Variants in RBM43 observed in about 807,000 individuals in gnomAD.
RBM43 encodes RNA-binding protein 43.
RBM43 carries 12 observed loss-of-function variants against 12.4 expected under a neutral mutation model. The ratio of observed to expected loss-of-function variants is 0.97; its 90% CI spans 0.62 to 1.57. The LOEUF (loss-of-function observed/expected upper bound fraction) is 1.57. Ranked by LOEUF, RBM43 falls within the 40% of genes most tolerant of loss-of-function variation. The pLI is 0.00. For missense variants in RBM43, 348 were observed against 400.1 expected, an observed-to-expected ratio of 0.87 and a Z score of 1.11; for synonymous variants, 138 against 145.7, an observed-to-expected ratio of 0.95 and a Z score of 0.38.
At chr2:151,254,375 C>T (rs1408814222) in intron 2 of RBM43, among the ~76,000 whole-genome samples, 1 of 152,006 alleles carries the variant, frequency 6.6e-6, no homozygotes, top group Admixed American at 6.6e-5. Context: ...AAAACACTAC[C>T]ATCTCCTTAG....
chr2:151,261,154 CA>C (rs1273034972), intron 1 of RBM43: 7 of 1,353,446 alleles, frequency 5.2e-6, no homozygotes, highest in Non-Finnish European at 6.9e-6. Flanking sequence ...GGAAACAAAA[CA>C]AAACACAGAA....
Position 151,250,160 on chromosome 2 carries a change from G to A in RBM43, c.*746C>T, listed in dbSNP as rs758374406. On this transcript the variant is annotated 3_prime_UTR_variant, in exon 4 of 4. Coordinates refer to ENST00000331426, the MANE Select transcript of RBM43 (RefSeq NM_198557.3). ...TTTTGCCAGTATTCTAATTCTACAC[G>A]GAGTAAACACAAACTGTAAATGTTA... 12 of 152,210 alleles carry A rather than the reference G, an allele frequency of 7.9e-5. No homozygotes were observed. The highest frequency in any genetic ancestry group is 1.9e-4 in the East Asian group (1 of 5,182). The allele number at this position is 152,210 out of a possible 1,614,324, so 9.4% of individuals were successfully genotyped here.
intron 2 of RBM43, among the ~76,000 whole-genome samples, chr2:151,254,315 C>T (rs1266619217): frequency 2.6e-5 from 4 of 151,642 alleles, no homozygotes; most frequent in Admixed American, 6.6e-5. Flanking sequence ...CTTTCTCTCT[C>T]TCTCTGTCTC....
At chr2:151,259,213 A>AG (rs1683015193) in intron 1 of RBM43, among the ~76,000 whole-genome samples, 1 of 152,212 alleles carries the variant, frequency 6.6e-6, no homozygotes, top group African/African-American at 2.4e-5. Context: ...ACATTTTCCT[A>AG]GAAGTGGAAA....
rs1255548072 is a variant in RBM43 at position 151,255,744 on chromosome 2, C to G, written c.4-1G>C. 6.2e-7 allele frequency: 1 copy of G among 1,606,424 alleles called. No homozygotes were observed. The highest frequency in any genetic ancestry group is 2.2e-5 in the East Asian group (1 of 44,808). ...ATTCCTTGACATTCAAAACTGATGCCTGTAAGAGAAACAGCAGGTTATTCT... is the reference window on the plus strand; with the variant it reads ...ATTCCTTGACATTCAAAACTGATGCGTGTAAGAGAAACAGCAGGTTATTCT... On this transcript the variant is annotated splice_acceptor_variant, in intron 1 of 3. Transcript: ENST00000331426. LOFTEE classifies it high-confidence loss of function.
intron 2 of RBM43, 22 bp downstream of exon 2, chr2:151,255,511 C>T (rs777038246): frequency 3.8e-5 from 57 of 1,496,350 alleles, no homozygotes; most frequent in Non-Finnish European, 5.1e-5. Flanking sequence ...TCTAAAATTA[C>T]AAAAATTTGA....
rs111946238 is a variant in RBM43 at position 151,248,558 on chromosome 2, T to A, written c.*2348A>T. On this transcript the variant is annotated 3_prime_UTR_variant, in exon 4 of 4. Transcript: ENST00000331426. ...TTGTATCCTGAATGTGTTTTGTTTT[T>A]GTTTTTATTTTTTTTTAGCCTCAAG... is the stretch of plus-strand genomic sequence containing the variant. 3.3e-5 allele frequency: 5 copies of A among 152,182 alleles called. No homozygotes were observed. The highest frequency in any genetic ancestry group is 6.5e-5 in the Admixed American group (1 of 15,280). 9.4% of individuals were successfully genotyped at this position (152,182 alleles called of 1,614,324 possible).
At position 151,251,678 on chromosome 2, in the gene RBM43, G is replaced by C. The variant is rs979798693; in HGVS notation, c.316-14C>G. Reference sequence around the variant, plus strand: ...AGAGCTGAAGATCTGAAATTAAAAAGAGAGAAATGAAAACAGTACTGCCTA... The same window carrying C: ...AGAGCTGAAGATCTGAAATTAAAAACAGAGAAATGAAAACAGTACTGCCTA... On this transcript the variant is annotated splice_polypyrimidine_tract_variant and intron_variant, in intron 3 of 3. Coordinates refer to ENST00000331426, the MANE Select transcript of RBM43 (RefSeq NM_198557.3). The C allele has an allele frequency of 3.8e-6, 6 of 1,597,524 alleles. No individual in the cohort carries two copies. Among genetic ancestry groups the C allele is most frequent in the Non-Finnish European group, 5.1e-6 (6 of 1,174,572 alleles).
At chr2:151,260,106 C>G (rs533753302) in intron 1 of RBM43, among the ~76,000 whole-genome samples, 1 of 151,126 alleles carries the variant, frequency 6.6e-6, no homozygotes, top group Non-Finnish European at 1.5e-5. Context: ...CCTCGTGATC[C>G]GCTCCCCCCT....
chr2:151,252,768 T>G lies in RBM43; in HGVS notation c.302A>C (p.His101Pro). ...AELTVSLRVS[H>P]FGDKIFSSVN... The stretch of plus-strand genomic sequence containing the variant: ...ATCACACCTTACCTTGTCACCAAAA[T>G]GAGAGACTCTGAGAGAGACTGTGAG... The change falls in exon 3 of 4, where the codon CAT becomes CCT. Residue 101 changes from histidine to proline, a missense_variant. Physicochemically the swap from His to Pro is moderately conservative, Grantham distance 77. Transcript: ENST00000331426. The G allele has an allele frequency of 2.2e-4, 357 of 1,586,850 alleles. No homozygotes were observed. Among genetic ancestry groups the G allele is most frequent in the Middle Eastern group, 3.3e-4 (2 of 6,006 alleles).
intron 2 of RBM43, among the ~76,000 whole-genome samples, chr2:151,253,228 ATCC>A (rs1201219696): frequency 6.6e-6 from 1 of 151,932 alleles, no homozygotes; most frequent in Admixed American, 6.6e-5. Flanking sequence ...CTCCTTCCTA[ATCC>A]TCCTCTCTTC....
intron 1 of RBM43, chr2:151,261,425 G>T (rs1463773145): frequency 6.4e-7 from 1 of 1,550,614 alleles, no homozygotes; most frequent in South Asian, 1.2e-5. Context: ...GTGGGTGTGG[G>T]AGGTGACAGC....
intron 1 of RBM43, chr2:151,261,212 C>A: frequency 6.6e-7 from 1 of 1,520,582 alleles, no homozygotes; most frequent in Non-Finnish European, 8.9e-7. Context: ...CCAAGGCAGA[C>A]ATAAGACATG....
rs1462471651 is a variant in RBM43 at position 151,250,468 on chromosome 2, G to A, written c.*438C>T. 1 of 152,738 alleles carries A rather than the reference G, an allele frequency of 6.5e-6. No individual in the cohort carries two copies. The highest frequency in any genetic ancestry group is 1.5e-5 in the Non-Finnish European group (1 of 68,628). 9.5% of individuals were successfully genotyped at this position (152,738 alleles called of 1,614,324 possible). ...AAAAAGATTAGCCGGGCGTGGTGGT[G>A]GGCACCTGTAGTCCCAGCTACTCCA... On this transcript the variant is annotated 3_prime_UTR_variant, in exon 4 of 4. Coordinates refer to ENST00000331426, the MANE Select transcript of RBM43 (RefSeq NM_198557.3).
At chr2:151,255,121 T>A (rs112379920) in intron 2 of RBM43, among the ~76,000 whole-genome samples, 1,779 of 151,984 alleles carry the variant, frequency 0.012, 38 homozygotes, top group African/African-American at 0.039. Flanking sequence ...TATTTTTTTT[T>A]AAAGTTACTT....
chr2:151,256,991 T>C (rs1418403540), intron 1 of RBM43, among the ~76,000 whole-genome samples: 1 of 152,200 alleles, frequency 6.6e-6, no homozygotes, highest in Admixed American at 6.5e-5. Context: ...AGACCCTTTG[T>C]TGGGCTCAAT....
In RBM43 at chr2:151,257,333, AAC is replaced by A. The variant is rs796208600; in HGVS notation, c.4-1592_4-1591del. The stretch of plus-strand genomic sequence containing the variant: ...ACAAACACACACACACACACACACA[AAC>A]ACACACACACACACACAGTGTCCTG... On this transcript the variant is annotated intron_variant, in intron 1 of 3. Coordinates refer to ENST00000331426, the MANE Select transcript of RBM43 (RefSeq NM_198557.3). Among the ~76,000 whole-genome samples, 209 of 140,420 alleles carry A rather than the reference AAC, an allele frequency of 1.5e-3. 1 individual carries two copies. Among genetic ancestry groups the A allele is most frequent in the African/African-American group, 5.2e-3 (191 of 36,962 alleles). The allele number at this position is 140,420 out of a possible 152,430, so 92.1% of individuals were successfully genotyped here. A position where few individuals can be genotyped will look rare whatever the true frequency, so the allele number is the denominator to read the frequency against.
intron 1 of RBM43, among the ~76,000 whole-genome samples, chr2:151,256,978 A>G (rs1252364470): frequency 6.6e-6 from 1 of 152,202 alleles, no homozygotes; most frequent in Non-Finnish European, 1.5e-5. Context: ...ATCAACTGCA[A>G]GTAGACCCTT....
At position 151,251,454 on chromosome 2, in the gene RBM43, T is replaced by A; in HGVS notation, c.526A>T (p.Lys176Ter). ...TCCTCACTGGTAAAATTTCTGTCTT[T>A]TTCTAAGAGAGAACATGCTCTTGCT... ...LLARACSLLE[K>*]DRNFTSEERK... is the part of the protein sequence containing the mutation. The change falls in exon 4 of 4, where the codon AAA (lysine) becomes TAA (stop). Residue 176 changes from lysine to a stop codon, truncating the protein, a stop_gained. Transcript: ENST00000331426. LOFTEE classifies it low-confidence loss of function (END_TRUNC). 1 of 1,614,206 alleles carries A rather than the reference T, an allele frequency of 6.2e-7. No individual in the cohort carries two copies. The highest frequency in any genetic ancestry group is 8.5e-7 in the Non-Finnish European group (1 of 1,180,016).
Sources: allele counts gnomAD v4.1 joint callset (sites outside exome capture counted in the v4.1 genomes callset), GRCh38; gene constraint gnomAD v4.1.1; transcripts MANE v1.5; gene names NCBI Gene and HGNC (gene_info 2026-07-23, HGNC 2026-07-21).